The following MID1 variants were observed in gnomAD, a reference collection of about 807,000 sequenced individuals.
The protein encoded by MID1 is E3 ubiquitin-protein ligase Midline-1.
A neutral mutation model predicts 40.4 loss-of-function variants in MID1; 7 were observed. That is an observed-to-expected ratio of 0.17 (90% confidence interval 0.10 to 0.33). The LOEUF is 0.33. Among genes scored for constraint, MID1 ranks in the 10% least tolerant of loss-of-function variants. The pLI is 1.00. For missense variants in MID1, 367 were observed against 558.5 expected, an observed-to-expected ratio of 0.66 and a Z score of 3.46; for synonymous variants, 229 against 221.2, an observed-to-expected ratio of 1.04 and a Z score of -0.31.
At chrX:10,802,668 T>C (rs1464168825) in intron 1 of MID1, among the ~76,000 whole-genome samples, 2 of 111,904 alleles carry the variant, frequency 1.8e-5, no homozygotes, top group South Asian at 3.8e-4. Context: ...AGCAATCCCA[T>C]TACTGGTTAT....
intron 1 of MID1, among the ~76,000 whole-genome samples, chrX:10,611,018 G>A (rs1466792313): frequency 8.9e-6 from 1 of 112,155 alleles, no homozygotes; most frequent in Non-Finnish European, 1.9e-5. Flanking sequence ...GACTTGTAAA[G>A]GAGCTAACAA....
At chrX:10,475,686 T>C (rs1929969545) in intron 5 of MID1, among the ~76,000 whole-genome samples, 1 of 112,336 alleles carries the variant, frequency 8.9e-6, no homozygotes, top group African/African-American at 3.2e-5. Context: ...AACAACACTC[T>C]TAAGAGCTAT....
rs370301946 is a variant in MID1, at chrX:10,455,786, A to C, written c.1448-709T>G. ...CAAAATTAGGAAAAAATGTGATAGC[A>C]ATGCCTGGGTTTTCTACTCATGAAA... On this transcript the variant is annotated intron_variant, in intron 8 of 9. Transcript: ENST00000317552. Among the ~76,000 whole-genome samples, 25 of 112,174 alleles carry C rather than the reference A, an allele frequency of 2.2e-4. No individual in the cohort carries two copies. The South Asian group carries it at 9.3e-3, about 42-fold the overall frequency.
At chrX:10,643,094 G>A (rs1470629479) in intron 1 of MID1, among the ~76,000 whole-genome samples, 2 of 111,501 alleles carry the variant, frequency 1.8e-5, no homozygotes, top group Admixed American at 9.5e-5. Context: ...CATTCAGAAC[G>A]TAGGCATGGG....
chrX:10,825,665 G>C (rs907602895), intron 1 of MID1, among the ~76,000 whole-genome samples: 2 of 111,261 alleles, frequency 1.8e-5, no homozygotes, highest in Non-Finnish European at 3.8e-5. Context: ...TTGAGGGGAG[G>C]GGGTAAGGGG....
intron 1 of MID1, among the ~76,000 whole-genome samples, chrX:10,657,185 G>C (rs2042880451): frequency 9.0e-6 from 1 of 111,056 alleles, no homozygotes; most frequent in Non-Finnish European, 1.9e-5. Flanking sequence ...TTTTCCACTG[G>C]ATCTCAGAGT....
At chrX:10,459,374 C>T (rs770404870) in intron 8 of MID1, among the ~76,000 whole-genome samples, 23 of 111,953 alleles carry the variant, frequency 2.1e-4, no homozygotes, top group African/African-American at 6.2e-4. Flanking sequence ...AGAATGCCTC[C>T]AGGAATATTT....
At chrX:10,678,198 A>G (rs994387892) in intron 1 of MID1, among the ~76,000 whole-genome samples, 3 of 111,915 alleles carry the variant, frequency 2.7e-5, no homozygotes, top group Non-Finnish European at 3.8e-5. Context: ...AAAAATACTT[A>G]AAGTGTCTAT....
chrX:10,829,367 G>A (rs1203764651), intron 1 of MID1, among the ~76,000 whole-genome samples: 1 of 111,776 alleles, frequency 8.9e-6, no homozygotes, highest in African/African-American at 3.2e-5. Flanking sequence ...CTCAAGTTTA[G>A]ACAAGTGAAG....
intron 1 of MID1, among the ~76,000 whole-genome samples, chrX:10,607,121 T>C (rs191689526): frequency 8.9e-6 from 1 of 112,288 alleles, no homozygotes; most frequent in African/African-American, 3.2e-5. Context: ...TCTTCAGCCA[T>C]AACTTGCAGA....
At chrX:10,780,148 T>C (rs900162746) in intron 1 of MID1, among the ~76,000 whole-genome samples, 3 of 110,464 alleles carry the variant, frequency 2.7e-5, no homozygotes, top group Non-Finnish European at 5.7e-5. Context: ...GTATTTTTAG[T>C]AGATACGGGG....
intron 1 of MID1, among the ~76,000 whole-genome samples, chrX:10,702,366 T>C (rs1183351002): frequency 8.9e-6 from 1 of 112,155 alleles, no homozygotes; most frequent in Non-Finnish European, 1.9e-5. Flanking sequence ...AGAAGAACGT[T>C]TAGTATAGTA....
At chrX:10,610,004 C>T (rs1424760100) in intron 1 of MID1, among the ~76,000 whole-genome samples, 8 of 112,028 alleles carry the variant, frequency 7.1e-5, no homozygotes, top group African/African-American at 2.3e-4. Flanking sequence ...AGGCGTGAGC[C>T]ACCGCGCCCG....
intron 1 of MID1, among the ~76,000 whole-genome samples, chrX:10,642,242 T>C (rs1936206680): frequency 1.8e-5 from 2 of 111,771 alleles, no homozygotes; most frequent in African/African-American, 6.6e-5. Flanking sequence ...TCTTTGCAGA[T>C]GACATGACTG....
chrX:10,452,547 A>ACAT (rs1432250571), intron 9 of MID1, among the ~76,000 whole-genome samples: 3 of 112,141 alleles, frequency 2.7e-5, no homozygotes, highest in Non-Finnish European at 5.6e-5. Flanking sequence ...CATAATGTAC[A>ACAT]CATCAATTTA....
intron 3 of MID1, among the ~76,000 whole-genome samples, chrX:10,517,044 A>T (rs140595676): frequency 0.029 from 3,295 of 111,901 alleles, 77 homozygotes; most frequent in African/African-American, 0.073. Flanking sequence ...GGGTGGCTGA[A>T]GGGGAACCTT....
At position 10,576,522 on chromosome X, in the gene MID1, C is replaced by T. The variant is rs148869356; in HGVS notation, c.-56-8919G>A. Among the ~76,000 whole-genome samples the T allele has an allele frequency of 4.4e-3, 486 of 111,333 alleles. 2 individuals are homozygous for T. The highest frequency in any genetic ancestry group is 6.4e-3 in the Non-Finnish European group (342 of 53,102). On this transcript the variant is annotated intron_variant, in intron 1 of 9. Transcript: ENST00000317552. ...TTACTTAACAGAATACTTAAACACT[C>T]CTTCTCGAGGTTCATTTATACAAGC... is the stretch of plus-strand genomic sequence containing the variant.
At chrX:10,579,666 A>T (rs780023376) in intron 1 of MID1, among the ~76,000 whole-genome samples, 2 of 111,795 alleles carry the variant, frequency 1.8e-5, no homozygotes, top group Non-Finnish European at 3.8e-5. Context: ...AATACCCTGA[A>T]GCTACCTCCT....
chrX:10,575,884 C>T (rs1934859114), intron 1 of MID1, among the ~76,000 whole-genome samples: 1 of 110,085 alleles, frequency 9.1e-6, no homozygotes, highest in African/African-American at 3.3e-5. Flanking sequence ...AAGAATGTTA[C>T]TCTGAATTAT....
Sources: gnomAD v4.1 joint callset for allele counts (sites outside exome capture counted in the v4.1 genomes callset) on GRCh38, gnomAD v4.1.1 for gene constraint, MANE v1.5 for transcripts, NCBI Gene and HGNC (gene_info 2026-07-23, HGNC 2026-07-21) for gene names.